RRAGD: variants seen among roughly 807,000 people sequenced by gnomAD.
RRAGD encodes the protein Ras related GTP binding D, also known as ras-related GTP-binding protein D.
RRAGD carries 12 observed loss-of-function variants against 35.5 expected under a neutral mutation model. That is an observed-to-expected ratio of 0.34 (90% confidence interval 0.22 to 0.55). The LOEUF (loss-of-function observed/expected upper bound fraction) is 0.55, where lower values mean the gene tolerates loss of function less well. RRAGD is among the 20% of genes least tolerant of loss of function. The probability of loss-of-function intolerance (pLI) is 0.91; values close to 1 mark genes in which losing one functional copy is unlikely to be tolerated. For missense variants in RRAGD, 324 were observed against 490.1 expected (o/e 0.66, Z 3.20); for synonymous variants, 155 against 178.9 (o/e 0.87, Z 1.07).
At chr6:89,400,450 C>A (rs923091170) in intron 1 of RRAGD, among the ~76,000 whole-genome samples, 1 of 152,006 alleles carries the variant, frequency 6.6e-6, no homozygotes, top group African/African-American at 2.4e-5. Context: ...TCTTATATAT[C>A]GGAAATGGAC....
chr6:89,389,916 C>G (rs1337271303), intron 1 of RRAGD, among the ~76,000 whole-genome samples: 2 of 151,994 alleles, frequency 1.3e-5, no homozygotes, highest in African/African-American at 4.8e-5. Context: ...GATCAAGGAC[C>G]TAAAACAATT....
At chr6:89,374,489 C>A (rs1287558297) in intron 5 of RRAGD, among the ~76,000 whole-genome samples, 3 of 152,170 alleles carry the variant, frequency 2.0e-5, no homozygotes, top group Non-Finnish European at 4.4e-5. Context: ...AATCCCAGCA[C>A]TTTGGGAGGC....
In RRAGD at chr6:89,370,737, G is replaced by A. The variant is rs1349290529; in HGVS notation, c.1051+1700C>T. On this transcript the variant is annotated intron_variant, in intron 6 of 6. Coordinates refer to ENST00000369415, the MANE Select transcript of RRAGD (RefSeq NM_021244.5). ...TAAAATGATGTGGTTAAAAAAAGAC[G>A]GTGAATTGGAAACATGTCTGTAATA... 3.9e-5 allele frequency among the ~76,000 whole-genome samples: 6 copies of A among 152,112 alleles called. No homozygotes were observed. The South Asian group carries it at 8.3e-4, about 21-fold the overall frequency.
chr6:89,377,917 G>A, intron 4 of RRAGD, 104 bp from the exon 5 acceptor site: 1 of 812,838 alleles, frequency 1.2e-6, no homozygotes, highest in Non-Finnish European at 1.9e-6. Flanking sequence ...TACAAAATGA[G>A]CAAAACTCGC....
At chr6:89,369,708 A>G (rs575385331) in intron 6 of RRAGD, among the ~76,000 whole-genome samples, 77 of 152,240 alleles carry the variant, frequency 5.1e-4, no homozygotes, top group Non-Finnish European at 9.3e-4. Flanking sequence ...ACCCGCCCCT[A>G]TTGTTCTTGA....
chr6:89,377,270 C>T (rs1416933334), intron 5 of RRAGD, among the ~76,000 whole-genome samples: 3 of 152,152 alleles, frequency 2.0e-5, no homozygotes, highest in African/African-American at 7.2e-5. Context: ...ACCCCAACCC[C>T]TGTGTTGTTC....
At chr6:89,377,155 CATGTT>C (rs1768962814) in intron 5 of RRAGD, among the ~76,000 whole-genome samples, 2 of 152,150 alleles carry the variant, frequency 1.3e-5, no homozygotes, top group Admixed American at 1.3e-4. Flanking sequence ...ATCAATCATT[CATGTT>C]ATTGGTAAGG....
At position 89,390,211 on chromosome 6, in the gene RRAGD, A is replaced by G. The variant is rs564232563; in HGVS notation, c.149-2621T>C. ...AAAACAGATAAACTGGACTTCATCAAAAATTTTAAAAGTAAAAAGACAACA... is the reference window on the plus strand; with the variant it reads ...AAAACAGATAAACTGGACTTCATCAGAAATTTTAAAAGTAAAAAGACAACA... On this transcript the variant is annotated intron_variant, in intron 1 of 6. Transcript: ENST00000369415. Among the ~76,000 whole-genome samples the G allele has an allele frequency of 2.2e-4, 33 of 152,384 alleles. No individual in the cohort carries two copies. The South Asian group carries it at 6.2e-3, about 29-fold the overall frequency.
chr6:89,407,260 C>G (rs1322200913), intron 1 of RRAGD, among the ~76,000 whole-genome samples: 1 of 152,052 alleles, frequency 6.6e-6, no homozygotes, highest in African/African-American at 2.4e-5. Context: ...CAAGAGAACT[C>G]TAAGGCTCTG....
Position 89,411,798 on chromosome 6 carries a change from A to G in RRAGD, c.148+48T>C. The G allele has an allele frequency of 6.6e-7, 1 of 1,517,686 alleles. No individual in the cohort carries two copies. The highest frequency in any genetic ancestry group is 8.8e-7 in the Non-Finnish European group (1 of 1,135,688). The allele number at this position is 1,517,686 out of a possible 1,614,324, so 94.0% of individuals were successfully genotyped here. A position where few individuals can be genotyped will look rare whatever the true frequency, so the allele number is the denominator to read the frequency against. On this transcript the variant is annotated intron_variant, in intron 1 of 6. Transcript: ENST00000369415. The surrounding 1 kb of genome is among the most constrained non-coding windows in gnomAD (Gnocchi z 5.6). ...CCGGGCTGGGGGCGGGAAGGCGCCA[A>G]GGGGAGGAAAGGGGCGCGAGCCGAG...
chr6:89,367,197 A>T lies in RRAGD; in HGVS notation c.*859T>A, dbSNP rs1768767769. Reference sequence around the variant, plus strand: ...GGAACAACTTTAGGCCTCTGATGTTACTTTAGCCCTGGGTGGTAGGTACAG... The same window carrying T: ...GGAACAACTTTAGGCCTCTGATGTTTCTTTAGCCCTGGGTGGTAGGTACAG... On this transcript the variant is annotated 3_prime_UTR_variant, in exon 7 of 7. Transcript: ENST00000369415. 1 of 152,196 alleles carries T rather than the reference A, an allele frequency of 6.6e-6. No individual in the cohort carries two copies. The highest frequency in any genetic ancestry group is 2.1e-4 in the South Asian group (1 of 4,834). 9.4% of individuals were successfully genotyped at this position (152,196 alleles called of 1,614,324 possible). A position where few individuals can be genotyped will look rare whatever the true frequency, so the allele number is the denominator to read the frequency against.
intron 1 of RRAGD, among the ~76,000 whole-genome samples, chr6:89,405,752 CGTCTAT>C (rs1429159212): frequency 2.0e-5 from 3 of 152,010 alleles, no homozygotes; most frequent in African/African-American, 4.8e-5. Flanking sequence ...AACGCTTAAG[CGTCTAT>C]GTGCTTATGG....
intron 1 of RRAGD, among the ~76,000 whole-genome samples, chr6:89,408,101 G>T (rs1769619633): frequency 2.0e-5 from 3 of 152,156 alleles, no homozygotes; most frequent in Admixed American, 2.0e-4. Context: ...AGGGCCAGAA[G>T]GAAATCTAAG....
At chr6:89,400,559 C>T (rs1002184547) in intron 1 of RRAGD, among the ~76,000 whole-genome samples, 5 of 150,644 alleles carry the variant, frequency 3.3e-5, no homozygotes, top group Admixed American at 3.3e-4. Flanking sequence ...CCAGGTAAAG[C>T]GTTAATCTGA....
In RRAGD at chr6:89,370,767, AAGTGAAGGTT is replaced by A. The variant is rs548086182; in HGVS notation, c.1051+1660_1051+1669del. Among the ~76,000 whole-genome samples, 11 of 152,314 alleles carry A rather than the reference AAGTGAAGGTT, an allele frequency of 7.2e-5. No individual in the cohort carries two copies. In the South Asian group the frequency reaches 2.1e-3, roughly 29 times the overall value. On this transcript the variant is annotated intron_variant, in intron 6 of 6. Coordinates refer to ENST00000369415, the MANE Select transcript of RRAGD (RefSeq NM_021244.5). ...ATTGGAAACATGTCTGTAATAATTTAAGTGAAGGTTATAAAGTAGAATTCATCATACAATC... is the reference window on the plus strand; with the variant it reads ...ATTGGAAACATGTCTGTAATAATTTAATAAAGTAGAATTCATCATACAATC...
chr6:89,401,462 A>G (rs1769460031), intron 1 of RRAGD, among the ~76,000 whole-genome samples: 1 of 152,122 alleles, frequency 6.6e-6, no homozygotes, highest in Non-Finnish European at 1.5e-5. Context: ...CGCCATGTTG[A>G]CCAGGCTGGT....
chr6:89,391,702 T>C (rs1428484012), intron 1 of RRAGD, among the ~76,000 whole-genome samples: 6 of 151,812 alleles, frequency 4.0e-5, no homozygotes, highest in Admixed American at 3.9e-4. Context: ...CCTGTAATCA[T>C]AGCACTTTGG....
intron 2 of RRAGD, among the ~76,000 whole-genome samples, chr6:89,381,541 A>G (rs1327451785): frequency 6.6e-6 from 1 of 152,190 alleles, no homozygotes; most frequent in Non-Finnish European, 1.5e-5. Context: ...ATTTATTCTC[A>G]CTCATGTATA....
At chr6:89,382,614 G>T (rs1054072137) in intron 2 of RRAGD, among the ~76,000 whole-genome samples, 1 of 151,818 alleles carries the variant, frequency 6.6e-6, no homozygotes, top group Non-Finnish European at 1.5e-5. Context: ...GGTGGCTCAC[G>T]CCTGTAATCC....
Sources: allele counts gnomAD v4.1 joint callset (sites outside exome capture counted in the v4.1 genomes callset), GRCh38; gene constraint gnomAD v4.1.1; non-coding constraint Gnocchi (gnomAD v3.1); transcripts MANE v1.5; gene names NCBI Gene and HGNC (gene_info 2026-07-23, HGNC 2026-07-21).